BCL11A: variants seen among roughly 807,000 people sequenced by gnomAD.
The protein encoded by BCL11A is BCL11 transcription factor A.
In BCL11A, 2 loss-of-function variants were observed where a neutral mutation model predicts 55.9. The observed-to-expected ratio is 0.04, with a 90% CI of 0.01 to 0.11. BCL11A has a LOEUF of 0.11. Among genes scored for constraint, BCL11A ranks in the 10% least tolerant of loss-of-function variants. BCL11A has a pLI of 1.00. For missense variants in BCL11A, 817 were observed against 1,137.1 expected, an observed-to-expected ratio of 0.72 and a Z score of 4.05; for synonymous variants, 465 against 473.4, an observed-to-expected ratio of 0.98 and a Z score of 0.23.
chr2:60,478,452 C>A (rs1413274864), intron 2 of BCL11A, among the ~76,000 whole-genome samples: 1 of 152,232 alleles, frequency 6.6e-6, no homozygotes, highest in African/African-American at 2.4e-5. Flanking sequence ...CCTCACTTGC[C>A]TTTCTGGCAC....
chr2:60,543,289 A>C (rs1237266364), intron 2 of BCL11A: 3 of 152,212 alleles, frequency 2.0e-5, no homozygotes, highest in African/African-American at 7.2e-5. Flanking sequence ...AGCACGCTTA[A>C]ATGACTACCT....
At position 60,460,043 on chromosome 2, in the gene BCL11A, T is replaced by C; in HGVS notation, c.*361A>G. On this transcript the variant is annotated 3_prime_UTR_variant, in exon 4 of 4. Transcript: ENST00000642384. ...TAGCCATAACATACCATACATGCTG[T>C]CTAAGTTTAAAAAAAAACATACACA... The C allele has an allele frequency of 9.2e-7, 1 of 1,087,212 alleles. No homozygotes were observed. The highest frequency in any genetic ancestry group is 1.1e-6 in the Non-Finnish European group (1 of 894,204). 67.3% of individuals were successfully genotyped at this position (1,087,212 alleles called of 1,614,324 possible).
chr2:60,465,392 C>T (rs894641684), intron 3 of BCL11A, among the ~76,000 whole-genome samples: 3 of 152,120 alleles, frequency 2.0e-5, no homozygotes, highest in Non-Finnish European at 2.9e-5. Flanking sequence ...TGGGCATTTA[C>T]GGGGATTGTT....
intron 2 of BCL11A, chr2:60,535,952 C>T (rs778989606): frequency 1.3e-5 from 2 of 152,196 alleles, no homozygotes; most frequent in Non-Finnish European, 2.9e-5. Flanking sequence ...CTAACTCACA[C>T]CTTGCTAACC....
In BCL11A at chr2:60,459,872, C is replaced by A; in HGVS notation, c.*532G>T. On this transcript the variant is annotated 3_prime_UTR_variant, in exon 4 of 4. Transcript: ENST00000642384. ...GTTAATCCAAAGACTGTTTTTCCTCCTCACGTTATAAAATAAAACTGTACA... is the reference window on the plus strand; with the variant it reads ...GTTAATCCAAAGACTGTTTTTCCTCATCACGTTATAAAATAAAACTGTACA... 9.5e-7 allele frequency: 1 copy of A among 1,047,878 alleles called. No individual in the cohort carries two copies. The highest frequency in any genetic ancestry group is 1.7e-5 in the African/African-American group (1 of 60,190). The allele number at this position is 1,047,878 out of a possible 1,614,324, so 64.9% of individuals were successfully genotyped here.
intron 2 of BCL11A, among the ~76,000 whole-genome samples, chr2:60,520,767 G>C (rs1668944503): frequency 6.7e-6 from 1 of 150,278 alleles, no homozygotes; most frequent in African/African-American, 2.5e-5. Flanking sequence ...AATCTGAAGG[G>C]GCAGCCAGAC....
rs1676062992 is a variant in BCL11A, at chr2:60,458,653, T to C, written c.*1751A>G. On this transcript the variant is annotated 3_prime_UTR_variant, in exon 4 of 4. Coordinates refer to ENST00000642384, the MANE Select transcript of BCL11A (RefSeq NM_022893.4). ...TGCTCCTCAATGAGATTGTGTTCAATTTTTTTTCAGCATTCTTGCAACTTT... is the reference window on the plus strand; with the variant it reads ...TGCTCCTCAATGAGATTGTGTTCAACTTTTTTTCAGCATTCTTGCAACTTT... The C allele has an allele frequency of 2.9e-6, 3 of 1,030,180 alleles. No individual in the cohort carries two copies. Among genetic ancestry groups the C allele is most frequent in the South Asian group, 4.6e-5 (1 of 21,638 alleles). 63.8% of individuals were successfully genotyped at this position (1,030,180 alleles called of 1,614,324 possible). A position where few individuals can be genotyped will look rare whatever the true frequency, so the allele number is the denominator to read the frequency against.
chr2:60,523,799 A>C (rs1328956987), intron 2 of BCL11A, among the ~76,000 whole-genome samples: 3 of 152,236 alleles, frequency 2.0e-5, no homozygotes, highest in Non-Finnish European at 4.4e-5. Flanking sequence ...AAGTAAATGA[A>C]TCACCAAGGC....
chr2:60,510,558 T>G (rs1679925108), intron 2 of BCL11A, among the ~76,000 whole-genome samples: 1 of 152,202 alleles, frequency 6.6e-6, no homozygotes, highest in African/African-American at 2.4e-5. Context: ...CTTGCCATAC[T>G]ATATAATTCA....
chr2:60,524,131 T>C lies in BCL11A; in HGVS notation c.385+21840A>G, dbSNP rs186126981. Among the ~76,000 whole-genome samples, 4 of 152,320 alleles carry C rather than the reference T, an allele frequency of 2.6e-5. No individual in the cohort carries two copies. In the East Asian group the frequency reaches 7.7e-4, roughly 29 times the overall value. ...CAAACAAAATATGCCATGGTAAATATAATCTATATATCACATTGTGACACA... is the reference window on the plus strand; with the variant it reads ...CAAACAAAATATGCCATGGTAAATACAATCTATATATCACATTGTGACACA... On this transcript the variant is annotated intron_variant, in intron 2 of 3. Coordinates refer to ENST00000642384, the MANE Select transcript of BCL11A (RefSeq NM_022893.4).
At chr2:60,550,825 T>G (rs1419515963) in intron 1 of BCL11A, 2 of 398,780 alleles carry the variant, frequency 5.0e-6, no homozygotes, top group East Asian at 3.6e-5. Context: ...AGGGCCTGAC[T>G]TTCCCGAGTC....
downstream of BCL11A, chr2:60,452,805 C>A (rs917264287): frequency 9.2e-6 from 6 of 650,936 alleles, no homozygotes; most frequent in Non-Finnish European, 1.6e-5. Flanking sequence ...GCATCTTAAG[C>A]ATGATTTCAA....
chr2:60,479,296 C>G (rs1022896311), intron 2 of BCL11A, among the ~76,000 whole-genome samples: 1 of 152,242 alleles, frequency 6.6e-6, no homozygotes, highest in Non-Finnish European at 1.5e-5. Context: ...CTGGCCTCTG[C>G]GGGCACAGCG....
intron 2 of BCL11A, among the ~76,000 whole-genome samples, chr2:60,499,076 C>T (rs911505543): frequency 6.6e-5 from 10 of 152,190 alleles, no homozygotes; most frequent in East Asian, 3.8e-4. Flanking sequence ...GTCCATTTCT[C>T]GCTGGCTTTT....
chr2:60,494,605 A>T (rs1678838039), intron 2 of BCL11A, among the ~76,000 whole-genome samples: 1 of 152,354 alleles, frequency 6.6e-6, no homozygotes, highest in Non-Finnish European at 1.5e-5. Context: ...CTCCTAGCTC[A>T]TTCCTAATGA....
chr2:60,473,264 C>T (rs1225823340), intron 2 of BCL11A, among the ~76,000 whole-genome samples: 1 of 145,722 alleles, frequency 6.9e-6, no homozygotes, highest in Non-Finnish European at 1.5e-5. Context: ...TTCAGTGAGA[C>T]AGGCACAAAA....
intron 1 of BCL11A, among the ~76,000 whole-genome samples, chr2:60,548,294 CAAA>C (rs201461046): frequency 7.5e-6 from 1 of 133,868 alleles, no homozygotes; most frequent in Non-Finnish European, 1.6e-5. Context: ...AGAACCTTTG[CAAA>C]AAAAAAAATT....
intron 2 of BCL11A, among the ~76,000 whole-genome samples, chr2:60,479,627 C>T (rs780059065): frequency 2.0e-5 from 3 of 152,182 alleles, no homozygotes; most frequent in Admixed American, 6.5e-5. Flanking sequence ...AGAGTGTGGA[C>T]GGCAGGCTGA....
chr2:60,505,085 C>T (rs974549921), intron 2 of BCL11A, among the ~76,000 whole-genome samples: 2 of 152,126 alleles, frequency 1.3e-5, no homozygotes, highest in African/African-American at 4.8e-5. Flanking sequence ...TCTCCTGCCT[C>T]TTCACAGGGT....
Sources: gnomAD v4.1 joint callset for allele counts (sites outside exome capture counted in the v4.1 genomes callset) on GRCh38, gnomAD v4.1.1 for gene constraint, MANE v1.5 for transcripts, NCBI Gene and HGNC (gene_info 2026-07-23, HGNC 2026-07-21) for gene names.